The following FRMD5 variants were observed in gnomAD, a reference collection of about 807,000 sequenced individuals.
FRMD5 encodes FERM domain containing 5, also known as FERM domain-containing protein 5.
FRMD5 carries 20 observed loss-of-function variants against 69.0 expected under a neutral mutation model. That is an observed-to-expected ratio of 0.29 (90% CI 0.20 to 0.42). FRMD5 has a LOEUF of 0.42. Among genes scored for constraint, FRMD5 ranks in the 10% least tolerant of loss-of-function variants. FRMD5 has a pLI of 1.00. For missense variants in FRMD5, 595 were observed against 708.6 expected (o/e 0.84, Z 1.82); for synonymous variants, 271 against 260.1 (o/e 1.04, Z -0.40).
At chr15:43,922,314 T>C (rs897651607) in intron 2 of FRMD5, among the ~76,000 whole-genome samples, 1 of 152,248 alleles carries the variant, frequency 6.6e-6, no homozygotes, top group African/African-American at 2.4e-5. Context: ...TCATTAGGGA[T>C]ACTCATCTCA....
intron 1 of FRMD5, among the ~76,000 whole-genome samples, chr15:44,121,963 C>A (rs1327312325): frequency 4.2e-5 from 6 of 142,680 alleles, no homozygotes; most frequent in Admixed American, 2.8e-4. Context: ...CCACTGCACT[C>A]CAGCCTGGGT....
chr15:43,898,281 T>C (rs2088962488), intron 7 of FRMD5, among the ~76,000 whole-genome samples: 1 of 151,954 alleles, frequency 6.6e-6, no homozygotes, highest in African/African-American at 2.4e-5. Flanking sequence ...CCTTTGGGCA[T>C]TACTGTGTTA....
At chr15:44,153,151 G>A (rs2077473322) in intron 1 of FRMD5, among the ~76,000 whole-genome samples, 1 of 152,110 alleles carries the variant, frequency 6.6e-6, no homozygotes, top group African/African-American at 2.4e-5. Flanking sequence ...AAATAGTATG[G>A]CACTTCCTCA....
intron 1 of FRMD5, among the ~76,000 whole-genome samples, chr15:43,951,084 G>C (rs2090018820): frequency 6.6e-6 from 1 of 152,140 alleles, no homozygotes; most frequent in African/African-American, 2.4e-5. Flanking sequence ...TCATTTCTCT[G>C]TTTTGAGAAC....
intron 7 of FRMD5, among the ~76,000 whole-genome samples, chr15:43,897,947 A>G (rs1368455680): frequency 1.4e-5 from 2 of 144,682 alleles, no homozygotes; most frequent in African/African-American, 5.8e-5. Context: ...GCCATGTAAG[A>G]CATGCCTGCT....
chr15:43,993,828 A>T (rs967353224), intron 1 of FRMD5, among the ~76,000 whole-genome samples: 4 of 152,210 alleles, frequency 2.6e-5, no homozygotes, highest in Non-Finnish European at 5.9e-5. Context: ...TTATCTTTAT[A>T]TAATGACCTT....
chr15:43,935,070 T>C (rs901860845), intron 1 of FRMD5, among the ~76,000 whole-genome samples: 25 of 152,294 alleles, frequency 1.6e-4, no homozygotes, highest in Admixed American at 1.6e-3. Flanking sequence ...AGGCAGAAGC[T>C]GCGGATGTGC....
At chr15:43,874,549 A>G (rs2088272014) in intron 13 of FRMD5, 87 bp from the exon 14 acceptor site, 1 of 927,080 alleles carries the variant, frequency 1.1e-6, no homozygotes, top group South Asian at 1.5e-5. Flanking sequence ...ATTGGGTACC[A>G]TTCTGCACAC....
At chr15:43,973,115 C>T (rs1458865324) in intron 1 of FRMD5, among the ~76,000 whole-genome samples, 3 of 152,054 alleles carry the variant, frequency 2.0e-5, no homozygotes, top group Non-Finnish European at 2.9e-5. Flanking sequence ...CACTGCCTCC[C>T]GGGTTCACGC....
Position 44,007,415 on chromosome 15 carries a change from A to G in FRMD5, c.103-83106T>C, listed in dbSNP as rs180749855. Reference sequence around the variant, plus strand: ...TATATAAACCTCTGCTTTTAATGATACTGTGAGGGCCTAGAATTTCATTTG... The same window carrying G: ...TATATAAACCTCTGCTTTTAATGATGCTGTGAGGGCCTAGAATTTCATTTG... On this transcript the variant is annotated intron_variant, in intron 1 of 13. Transcript: ENST00000417257. 3.3e-5 allele frequency among the ~76,000 whole-genome samples: 5 copies of G among 152,148 alleles called. No homozygotes were observed. In the East Asian group the frequency reaches 9.7e-4, roughly 29 times the overall value.
intron 7 of FRMD5, among the ~76,000 whole-genome samples, chr15:43,897,076 T>A (rs867369563): frequency 6.6e-6 from 1 of 152,074 alleles, no homozygotes; most frequent in Non-Finnish European, 1.5e-5. Flanking sequence ...CTGCACCAGG[T>A]GGCTTTGGTG....
At chr15:44,176,289 G>A (rs953813319) in intron 1 of FRMD5, among the ~76,000 whole-genome samples, 3 of 152,150 alleles carry the variant, frequency 2.0e-5, no homozygotes, top group African/African-American at 7.2e-5. Flanking sequence ...GAAAAGAATA[G>A]CCTTTTCAAC....
At chr15:44,182,392 C>A (rs1221939396) in intron 1 of FRMD5, among the ~76,000 whole-genome samples, 1 of 138,632 alleles carries the variant, frequency 7.2e-6, no homozygotes, top group East Asian at 2.2e-4. Context: ...TGCAGTGGTG[C>A]GGTCTCGGCT....
rs2140326758 is a variant in FRMD5, at chr15:43,873,830, G to A, written c.*55C>T. The A allele has an allele frequency of 1.9e-6, 3 of 1,596,044 alleles. No individual in the cohort carries two copies. Among genetic ancestry groups the A allele is most frequent in the Non-Finnish European group, 2.6e-6 (3 of 1,170,212 alleles). ...CGCGATGGGTCCCATTGCTGGGAATGGGTAGCCGGGTTCCTTGGTCCACCT... is the reference window on the plus strand; with the variant it reads ...CGCGATGGGTCCCATTGCTGGGAATAGGTAGCCGGGTTCCTTGGTCCACCT... On this transcript the variant is annotated 3_prime_UTR_variant, in exon 14 of 14. Coordinates refer to ENST00000417257, the MANE Select transcript of FRMD5 (RefSeq NM_032892.5).
chr15:44,007,217 T>A (rs1293748735), intron 1 of FRMD5, among the ~76,000 whole-genome samples: 1 of 152,152 alleles, frequency 6.6e-6, no homozygotes, highest in Non-Finnish European at 1.5e-5. Flanking sequence ...AATATATAAA[T>A]GTTTTTTTCC....
intron 1 of FRMD5, among the ~76,000 whole-genome samples, chr15:44,013,668 G>A (rs1410483521): frequency 1.3e-5 from 2 of 152,030 alleles, no homozygotes; most frequent in African/African-American, 2.4e-5. Flanking sequence ...TCTCTCCTAT[G>A]GTTCATTCTC....
intron 1 of FRMD5, among the ~76,000 whole-genome samples, chr15:44,037,348 T>C (rs1044229923): frequency 2.6e-5 from 4 of 152,164 alleles, no homozygotes; most frequent in Non-Finnish European, 5.9e-5. Flanking sequence ...TAGTATTCCA[T>C]GGTATATATG....
rs1406576559 is a variant in FRMD5 at position 43,909,944 on chromosome 15, T to G, written c.365A>C (p.Tyr122Ser). 2 of 1,612,060 alleles carry G rather than the reference T, an allele frequency of 1.2e-6. No homozygotes were observed. Among genetic ancestry groups the G allele is most frequent in the Non-Finnish European group, 1.7e-6 (2 of 1,178,388 alleles). ...TGTTTTACAGAGGAGTCGGCCATGG[T>G]AGAGATCCCTTTTGATCTGCAGGAA... ...LVFLQIKRDL[Y>S]HGRLLCKTSD... The change falls in exon 5 of 14, where the codon TAC (tyrosine) becomes TCC (serine). Residue 122 changes from tyrosine (Y) to serine (S), a missense_variant. Tyr to Ser is a moderately radical substitution (Grantham distance 144, BLOSUM62 -2). This residue lies in a region of FRMD5 where 79 missense variants were observed against 139.9 expected (regional missense o/e 0.56). Transcript: ENST00000417257.
At chr15:44,140,005 CATATATACACATAA>C (rs1285327289) in intron 1 of FRMD5, among the ~76,000 whole-genome samples, 1 of 151,792 alleles carries the variant, frequency 6.6e-6, no homozygotes, top group Non-Finnish European at 1.5e-5. Context: ...TATACATATA[CATATATACACATAA>C]ATATATACAC....
Sources: gnomAD v4.1 joint callset for allele counts (sites outside exome capture counted in the v4.1 genomes callset) on GRCh38, gnomAD v4.1.1 for gene constraint, gnomAD v4.1.1 regional missense constraint, MANE v1.5 for transcripts, NCBI Gene and HGNC (gene_info 2026-07-23, HGNC 2026-07-21) for gene names.